Variants in YIPF4 observed in about 807,000 individuals in gnomAD.
YIPF4 encodes protein YIPF4.
YIPF4 carries 18 observed loss-of-function variants against 29.4 expected under a neutral mutation model. The ratio of observed to expected loss-of-function variants is 0.61; its 90% CI spans 0.42 to 0.91. The LOEUF is 0.91. Ranked by LOEUF, YIPF4 falls within the 40% of genes least tolerant of loss-of-function variation. The pLI, the probability that YIPF4 is intolerant of heterozygous loss-of-function variation, is 0.00. For synonymous variants in YIPF4, 115 were observed against 104.7 expected, an observed-to-expected ratio of 1.10 and a Z score of -0.60; for missense variants, 279 against 282.7, an observed-to-expected ratio of 0.99 and a Z score of 0.09.
At position 32,306,738 on chromosome 2, in the gene YIPF4, A is replaced by G. The variant is rs1219852089; in HGVS notation, c.*1112A>G. Reference sequence around the variant, plus strand: ...AGGTTTTTAGATACACCTGTAGTTAATATTACTTTGTAAAGTAGGTAAATC... The same window carrying G: ...AGGTTTTTAGATACACCTGTAGTTAGTATTACTTTGTAAAGTAGGTAAATC... On this transcript the variant is annotated 3_prime_UTR_variant, in exon 6 of 6. Coordinates refer to ENST00000238831, the MANE Select transcript of YIPF4 (RefSeq NM_032312.4). 3.2e-6 allele frequency: 1 copy of G among 315,232 alleles called. No homozygotes were observed. The highest frequency in any genetic ancestry group is 1.2e-4 in the South Asian group (1 of 8,184). 19.5% of individuals were successfully genotyped at this position (315,232 alleles called of 1,614,324 possible).
chr2:32,295,045 A>C (rs1291123107), intron 3 of YIPF4, among the ~76,000 whole-genome samples: 2 of 87,042 alleles, frequency 2.3e-5, no homozygotes, highest in Non-Finnish European at 4.3e-5. Context: ...TCGGCATCAG[A>C]GGGAGAGGGG....
rs1353510330 is a variant in YIPF4, at chr2:32,309,583, T to A, written c.*3957T>A. On this transcript the variant is annotated 3_prime_UTR_variant, in exon 6 of 6. Coordinates refer to ENST00000238831, the MANE Select transcript of YIPF4 (RefSeq NM_032312.4). ...GAAATAATGCTTCTACAACTTAAAA[T>A]TATTTTTCATAGTGAACAAAACTAG... 1.3e-5 allele frequency: 2 copies of A among 152,176 alleles called. No homozygotes were observed. The highest frequency in any genetic ancestry group is 4.8e-5 in the African/African-American group (2 of 41,452). The allele number at this position is 152,176 out of a possible 1,614,324, so 9.4% of individuals were successfully genotyped here. A position where few individuals can be genotyped will look rare whatever the true frequency, so the allele number is the denominator to read the frequency against.
chr2:32,307,148 A>G lies in YIPF4; in HGVS notation c.*1522A>G, dbSNP rs771225596. 2.4e-5 allele frequency: 31 copies of G among 1,297,652 alleles called. No individual in the cohort carries two copies. Among genetic ancestry groups the G allele is most frequent in the Non-Finnish European group, 2.9e-5 (29 of 986,800 alleles). 80.4% of individuals were successfully genotyped at this position (1,297,652 alleles called of 1,614,324 possible). On this transcript the variant is annotated 3_prime_UTR_variant, in exon 6 of 6. Transcript: ENST00000238831. ...CAGGACTTCTAGAAGTTAGAATAATATGAAGTAATCAGGAAATATCTATGC... is the reference window on the plus strand; with the variant it reads ...CAGGACTTCTAGAAGTTAGAATAATGTGAAGTAATCAGGAAATATCTATGC...
At position 32,309,427 on chromosome 2, in the gene YIPF4, A is replaced by G. The variant is rs541211413; in HGVS notation, c.*3801A>G. 1 of 152,324 alleles carries G rather than the reference A, an allele frequency of 6.6e-6. No homozygotes were observed. The highest frequency in any genetic ancestry group is 2.1e-4 in the South Asian group (1 of 4,826). The allele number at this position is 152,324 out of a possible 1,614,324, so 9.4% of individuals were successfully genotyped here. ...AAGCATTTTGGAAAGGGTATACTCA[A>G]TCTGTATTAACATAGACTTCTAAAT... On this transcript the variant is annotated 3_prime_UTR_variant, in exon 6 of 6. Transcript: ENST00000238831.
At chr2:32,296,724 C>T (rs2031202258) in intron 3 of YIPF4, among the ~76,000 whole-genome samples, 1 of 152,160 alleles carries the variant, frequency 6.6e-6, no homozygotes, top group Non-Finnish European at 1.5e-5. Context: ...TCAATTTCTC[C>T]AGTATAAAGT....
In YIPF4 at chr2:32,306,763, C is replaced by T. The variant is rs1260534561; in HGVS notation, c.*1137C>T. On this transcript the variant is annotated 3_prime_UTR_variant, in exon 6 of 6. Coordinates refer to ENST00000238831, the MANE Select transcript of YIPF4 (RefSeq NM_032312.4). ...ATATTACTTTGTAAAGTAGGTAAAT[C>T]ATTTTATTTATGTCCATAAAATATC... 1 of 232,424 alleles carries T rather than the reference C, an allele frequency of 4.3e-6. No homozygotes were observed. Among genetic ancestry groups the T allele is most frequent in the African/African-American group, 2.3e-5 (1 of 42,714 alleles). The allele number at this position is 232,424 out of a possible 1,614,324, so 14.4% of individuals were successfully genotyped here.
chr2:32,306,152 C>G lies in YIPF4; in HGVS notation c.*526C>G, dbSNP rs2031576248. 6 of 800,422 alleles carry G rather than the reference C, an allele frequency of 7.5e-6. No homozygotes were observed. Among genetic ancestry groups the G allele is most frequent in the Middle Eastern group, 6.4e-4 (1 of 1,564 alleles). 49.6% of individuals were successfully genotyped at this position (800,422 alleles called of 1,614,324 possible). ...TGATGCACAAACTTTTTAATTTGGC[C>G]ATTAATCTTTTTTATTTAAAAATTT... is the stretch of plus-strand genomic sequence containing the variant. On this transcript the variant is annotated 3_prime_UTR_variant, in exon 6 of 6. Transcript: ENST00000238831.
chr2:32,282,527 G>A (rs1390705113), intron 1 of YIPF4, among the ~76,000 whole-genome samples: 1 of 152,068 alleles, frequency 6.6e-6, no homozygotes, highest in African/African-American at 2.4e-5. Context: ...CTGCCTCCCG[G>A]GTTCAAGCGA....
intron 5 of YIPF4, among the ~76,000 whole-genome samples, chr2:32,302,554 A>C (rs1349254625): frequency 6.6e-6 from 1 of 152,122 alleles, no homozygotes; most frequent in East Asian, 1.9e-4. Context: ...TGTGTTATTT[A>C]TGTTAAATCA....
intron 5 of YIPF4, among the ~76,000 whole-genome samples, chr2:32,303,154 C>G (rs1318877692): frequency 1.3e-5 from 2 of 152,152 alleles, no homozygotes; most frequent in South Asian, 2.1e-4. Context: ...TACTTGAGCT[C>G]AGGAGTTTGA....
In YIPF4 at chr2:32,309,673, T is replaced by C. The variant is rs1477100543; in HGVS notation, c.*4047T>C. The C allele has an allele frequency of 6.9e-6, 1 of 145,628 alleles. No individual in the cohort carries two copies. Among genetic ancestry groups the C allele is most frequent in the Non-Finnish European group, 1.5e-5 (1 of 66,402 alleles). 9.0% of individuals were successfully genotyped at this position (145,628 alleles called of 1,614,324 possible). A position where few individuals can be genotyped will look rare whatever the true frequency, so the allele number is the denominator to read the frequency against. Reference sequence around the variant, plus strand: ...TTATCCAGTTTTAGGCTTTAGGGAATTGTGACCCTTTTTTTTTTTTTTTTT... The same window carrying C: ...TTATCCAGTTTTAGGCTTTAGGGAACTGTGACCCTTTTTTTTTTTTTTTTT... On this transcript the variant is annotated 3_prime_UTR_variant, in exon 6 of 6. Transcript: ENST00000238831.
intron 1 of YIPF4, among the ~76,000 whole-genome samples, chr2:32,281,390 C>T (rs1356917879): frequency 1.3e-5 from 2 of 152,008 alleles, no homozygotes; most frequent in African/African-American, 2.4e-5. Context: ...TACAGGTGTA[C>T]GCCACCATGC....
In YIPF4 at chr2:32,309,176, C is replaced by A. The variant is rs956346101; in HGVS notation, c.*3550C>A. On this transcript the variant is annotated 3_prime_UTR_variant, in exon 6 of 6. Coordinates refer to ENST00000238831, the MANE Select transcript of YIPF4 (RefSeq NM_032312.4). ...ACAGTTTTATATGTAATAATGTGTC[C>A]ATTTCCAGGAATTCCCCAAATACTC... 2 of 151,884 alleles carry A rather than the reference C, an allele frequency of 1.3e-5. No individual in the cohort carries two copies. Among genetic ancestry groups the A allele is most frequent in the African/African-American group, 4.8e-5 (2 of 41,318 alleles). The allele number at this position is 151,884 out of a possible 1,614,324, so 9.4% of individuals were successfully genotyped here.
At chr2:32,301,723 G>A (rs1230112087) in intron 5 of YIPF4, among the ~76,000 whole-genome samples, 1 of 152,088 alleles carries the variant, frequency 6.6e-6, no homozygotes, top group Admixed American at 6.6e-5. Context: ...AGCAAATCAG[G>A]TTTCAGGATA....
Position 32,311,499 on chromosome 2 carries a change from G to T in YIPF4, c.*5873G>T, listed in dbSNP as rs2031714403. The T allele has an allele frequency of 6.6e-6, 1 of 152,104 alleles. No individual in the cohort carries two copies. The allele number at this position is 152,104 out of a possible 1,614,324, so 9.4% of individuals were successfully genotyped here. A position where few individuals can be genotyped will look rare whatever the true frequency, so the allele number is the denominator to read the frequency against. ...CTTTTCTATTTTCAGCAAGATATTT[G>T]CAAGTTTTTACTTTGAAGATGTTTG... is the stretch of plus-strand genomic sequence containing the variant. On this transcript the variant is annotated 3_prime_UTR_variant, in exon 6 of 6. Coordinates refer to ENST00000238831, the MANE Select transcript of YIPF4 (RefSeq NM_032312.4).
At chr2:32,293,335 A>G (rs1573533906) in intron 3 of YIPF4, among the ~76,000 whole-genome samples, 1 of 152,200 alleles carries the variant, frequency 6.6e-6, no homozygotes, top group Non-Finnish European at 1.5e-5. Context: ...AACAAAGCAC[A>G]TCTTGCACCG....
At chr2:32,300,421 A>G (rs1337022145) in intron 4 of YIPF4, among the ~76,000 whole-genome samples, 1 of 146,150 alleles carries the variant, frequency 6.8e-6, no homozygotes, top group Non-Finnish European at 1.5e-5. Flanking sequence ...GCGACAGAGG[A>G]GGACTCCGTC....
At position 32,286,300 on chromosome 2, in the gene YIPF4, G is replaced by A. The variant is rs56268277; in HGVS notation, c.80-4183G>A. 6.5e-3 allele frequency among the ~76,000 whole-genome samples: 984 copies of A among 151,796 alleles called. 10 individuals carry two copies. The highest frequency in any genetic ancestry group is 0.023 in the African/African-American group (939 of 41,382). On this transcript the variant is annotated intron_variant, in intron 1 of 5. Transcript: ENST00000238831. The stretch of plus-strand genomic sequence containing the variant: ...TACTATTGGGAAAAACTGGGTAAAG[G>A]GTACATAAGACCTCTCTTTTCCATT...
intron 4 of YIPF4, 40 bp from the exon 5 acceptor site, chr2:32,301,341 TG>T (rs751911398): frequency 7.8e-7 from 1 of 1,281,396 alleles, no homozygotes; most frequent in Non-Finnish European, 1.1e-6. Context: ...ATGAGTATCT[TG>T]ATTTCAATGA....
Sources: allele counts gnomAD v4.1 joint callset (sites outside exome capture counted in the v4.1 genomes callset), GRCh38; gene constraint gnomAD v4.1.1; transcripts MANE v1.5; gene names NCBI Gene and HGNC (gene_info 2026-07-23, HGNC 2026-07-21).